CDH18: variants seen among roughly 807,000 people sequenced by gnomAD.
CDH18 encodes cadherin-18.
CDH18 carries 31 observed loss-of-function variants against 67.9 expected under a neutral mutation model. The ratio of observed to expected loss-of-function variants is 0.46; its 90% CI spans 0.34 to 0.62. The LOEUF (loss-of-function observed/expected upper bound fraction) is 0.62, where lower values mean the gene tolerates loss of function less well. Among genes scored for constraint, CDH18 ranks in the 20% least tolerant of loss-of-function variants. CDH18 has a pLI of 0.01. For synonymous variants in CDH18, 362 were observed against 347.2 expected, an observed-to-expected ratio of 1.04 and a Z score of -0.48; for missense variants, 890 against 975.5, an observed-to-expected ratio of 0.91 and a Z score of 1.17.
chr5:19,495,839 C>A (rs1369908905), intron 11 of CDH18, among the ~76,000 whole-genome samples: 1 of 151,268 alleles, frequency 6.6e-6, no homozygotes, highest in Non-Finnish European at 1.5e-5. Context: ...AAGAAGCAAA[C>A]CGTTGGTTGC....
rs79243761 is a variant in CDH18, at chr5:19,842,713, G to T, written c.-256-3471C>A. The stretch of plus-strand genomic sequence containing the variant: ...TAGATAACAGGAAGAAGTAGGAACA[G>T]TTTGGAGGGCTCAGAAGAAAATAGG... On this transcript the variant is annotated intron_variant, in intron 2 of 12. Coordinates refer to ENST00000382275, the MANE Select transcript of CDH18 (RefSeq NM_004934.5). Among the ~76,000 whole-genome samples, 523 of 152,282 alleles carry T rather than the reference G, an allele frequency of 3.4e-3. 20 individuals carry two copies. In the East Asian group the frequency reaches 0.063, roughly 18 times the overall value.
At chr5:20,174,398 G>A in intron 2 of CDH18, among the ~76,000 whole-genome samples, 1 of 152,136 alleles carries the variant, frequency 6.6e-6, no homozygotes, top group East Asian at 1.9e-4. Flanking sequence ...TTGAGCAACT[G>A]CTGTATGCTA....
At chr5:19,794,183 C>G (rs1483006188) in intron 3 of CDH18, among the ~76,000 whole-genome samples, 1 of 151,996 alleles carries the variant, frequency 6.6e-6, no homozygotes, top group East Asian at 1.9e-4. Context: ...TATGTATCAT[C>G]CTGACTGGGC....
At chr5:20,484,180 C>T (rs909042142) in intron 1 of CDH18, among the ~76,000 whole-genome samples, 1 of 151,874 alleles carries the variant, frequency 6.6e-6, no homozygotes, top group Non-Finnish European at 1.5e-5. Flanking sequence ...TAAAAAGGTG[C>T]CCAAATCACT....
intron 1 of CDH18, among the ~76,000 whole-genome samples, chr5:20,393,324 A>G: frequency 6.6e-6 from 1 of 151,974 alleles, no homozygotes; most frequent in Non-Finnish European, 1.5e-5. Context: ...CACATTTTAG[A>G]AGCATATATA....
intron 2 of CDH18, among the ~76,000 whole-genome samples, chr5:20,146,625 A>T (rs1750667686): frequency 6.6e-6 from 1 of 151,704 alleles, no homozygotes; most frequent in Non-Finnish European, 1.5e-5. Context: ...TGTAAAAAAA[A>T]AAAAAATAAA....
At chr5:20,296,998 A>G (rs1018833067) in intron 1 of CDH18, among the ~76,000 whole-genome samples, 2 of 151,968 alleles carry the variant, frequency 1.3e-5, no homozygotes, top group African/African-American at 2.4e-5. Flanking sequence ...ATTCTGAGAT[A>G]GATATACTTC....
chr5:20,385,237 T>C (rs1186383644), intron 1 of CDH18, among the ~76,000 whole-genome samples: 1 of 152,158 alleles, frequency 6.6e-6, no homozygotes, highest in East Asian at 1.9e-4. Flanking sequence ...GGATCACCTG[T>C]TATCAATAAA....
At chr5:19,916,542 GT>G (rs1791814244) in intron 2 of CDH18, among the ~76,000 whole-genome samples, 2 of 151,988 alleles carry the variant, frequency 1.3e-5, no homozygotes, top group Non-Finnish European at 2.9e-5. Context: ...TCCAAATATT[GT>G]TTACATTTCA....
At chr5:19,529,399 A>G (rs1371337902) in intron 9 of CDH18, among the ~76,000 whole-genome samples, 1 of 152,078 alleles carries the variant, frequency 6.6e-6, no homozygotes, top group Non-Finnish European at 1.5e-5. Flanking sequence ...GCTTTATCCC[A>G]AGGATCAGAA....
chr5:20,471,332 A>G (rs1469500159), intron 1 of CDH18, among the ~76,000 whole-genome samples: 1 of 152,098 alleles, frequency 6.6e-6, no homozygotes, highest in Non-Finnish European at 1.5e-5. Context: ...CATCGGAGTT[A>G]TTGCAGTAGC....
chr5:19,968,739 C>A lies in CDH18; in HGVS notation c.-257+12321G>T, dbSNP rs1454564941. Among the ~76,000 whole-genome samples the A allele has an allele frequency of 2.8e-5, 4 of 143,550 alleles. 1 individual carries two copies. Among genetic ancestry groups the A allele is most frequent in the African/African-American group, 1.2e-4 (4 of 33,828 alleles). 94.2% of individuals were successfully genotyped at this position (143,550 alleles called of 152,430 possible). ...ACATTAGACCTAAAACCATCAAAAC[C>A]CTAGAAGAAAACCTAGGCATTACCA... is the stretch of plus-strand genomic sequence containing the variant. On this transcript the variant is annotated intron_variant, in intron 2 of 12. Transcript: ENST00000382275.
intron 1 of CDH18, among the ~76,000 whole-genome samples, chr5:20,347,209 T>C (rs1161349143): frequency 6.6e-6 from 1 of 152,202 alleles, no homozygotes; most frequent in Non-Finnish European, 1.5e-5. Context: ...TAAACCTTCT[T>C]GTAAAATTTG....
intron 2 of CDH18, among the ~76,000 whole-genome samples, chr5:20,253,085 T>C (rs1005003801): frequency 1.2e-4 from 18 of 152,168 alleles, no homozygotes; most frequent in Non-Finnish European, 2.5e-4. Context: ...GGTCGTAGCC[T>C]AGCTACCAGC....
intron 2 of CDH18, among the ~76,000 whole-genome samples, chr5:20,253,072 C>T (rs2126603816): frequency 6.6e-6 from 1 of 152,200 alleles, no homozygotes; most frequent in Non-Finnish European, 1.5e-5. Flanking sequence ...TCTCATGCAG[C>T]GGGGTCGTAG....
At chr5:20,561,610 G>C (rs2126647802) in intron 1 of CDH18, among the ~76,000 whole-genome samples, 1 of 152,124 alleles carries the variant, frequency 6.6e-6, no homozygotes, top group South Asian at 2.1e-4. Flanking sequence ...GAAACGAATA[G>C]GTCAAGCATA....
intron 2 of CDH18, among the ~76,000 whole-genome samples, chr5:20,135,408 T>C (rs1045624940): frequency 3.9e-5 from 6 of 152,196 alleles, no homozygotes; most frequent in Non-Finnish European, 8.8e-5. Flanking sequence ...CTGATGGTAG[T>C]TTGTATTTCT....
rs541154690 is a variant in CDH18, at chr5:19,840,499, T to C, written c.-256-1257A>G. Among the ~76,000 whole-genome samples the C allele has an allele frequency of 7.2e-5, 11 of 152,036 alleles. No individual in the cohort carries two copies. In the South Asian group the frequency reaches 2.3e-3, roughly 32 times the overall value. On this transcript the variant is annotated intron_variant, in intron 2 of 12. Transcript: ENST00000382275. The stretch of plus-strand genomic sequence containing the variant: ...AGGCAGATCACTTGAGGTCAGGAGT[T>C]TGAGGCCAGCCTGTCCAACATGGTG...
intron 7 of CDH18, among the ~76,000 whole-genome samples, chr5:19,589,569 G>A (rs1007364124): frequency 2.0e-5 from 3 of 152,066 alleles, no homozygotes; most frequent in Non-Finnish European, 4.4e-5. Flanking sequence ...AAAAATGCTA[G>A]ATGTTGGGAA....
Sources: gnomAD v4.1 joint callset for allele counts (sites outside exome capture counted in the v4.1 genomes callset) on GRCh38, gnomAD v4.1.1 for gene constraint, MANE v1.5 for transcripts, NCBI Gene and HGNC (gene_info 2026-07-23, HGNC 2026-07-21) for gene names.